The following THAP4 variants were observed in gnomAD, a reference collection of about 807,000 sequenced individuals.
THAP4 encodes the protein THAP domain containing 4.
Under a neutral mutation model 48.1 loss-of-function variants are expected in THAP4, and 18 were observed. That is an observed-to-expected ratio of 0.37 (90% confidence interval 0.26 to 0.56). THAP4 has a LOEUF of 0.56. Among genes scored for constraint, THAP4 ranks in the 20% least tolerant of loss-of-function variants. The probability of loss-of-function intolerance (pLI) is 0.78; values close to 1 mark genes in which losing one functional copy is unlikely to be tolerated. For missense variants in THAP4, 656 were observed against 774.9 expected (o/e 0.85, Z 1.82); for synonymous variants, 345 against 324.9 (o/e 1.06, Z -0.66).
intron 5 of THAP4, among the ~76,000 whole-genome samples, chr2:241,598,869 C>G (rs1274828056): frequency 1.3e-5 from 2 of 151,726 alleles, no homozygotes; most frequent in Admixed American, 1.3e-4. Context: ...ATACTAGAAA[C>G]TGAATCTTCT....
Position 241,601,723 on chromosome 2 carries a change from T to G in THAP4, c.1614+173A>C. The stretch of plus-strand genomic sequence containing the variant: ...ACCAGCCGAGGAGGGGGCAATGAAT[T>G]TAGGGAACATCCACCCTGGATGGTC... On this transcript the variant is annotated intron_variant, in intron 5 of 5. Coordinates refer to ENST00000407315, the MANE Select transcript of THAP4 (RefSeq NM_015963.6). The surrounding 1 kb of genome is among the most constrained non-coding windows in gnomAD (Gnocchi z 4.0). 1 of 1,276,052 alleles carries G rather than the reference T, an allele frequency of 7.8e-7. No homozygotes were observed. Among genetic ancestry groups the G allele is most frequent in the South Asian group, 1.5e-5 (1 of 68,448 alleles). 79.0% of individuals were successfully genotyped at this position (1,276,052 alleles called of 1,614,324 possible). A position where few individuals can be genotyped will look rare whatever the true frequency, so the allele number is the denominator to read the frequency against.
In THAP4 at chr2:241,625,634, A is replaced by G. The variant is rs554132408; in HGVS notation, c.1240+7283T>C. ...AACACAGTGAAATCCCGTCTCTACT[A>G]AAAAATACAAAAAATTAGCCGGGCG... is the stretch of plus-strand genomic sequence containing the variant. On this transcript the variant is annotated intron_variant, in intron 2 of 5. Coordinates refer to ENST00000407315, the MANE Select transcript of THAP4 (RefSeq NM_015963.6). Among the ~76,000 whole-genome samples, 14 of 151,342 alleles carry G rather than the reference A, an allele frequency of 9.3e-5. No individual in the cohort carries two copies. In the South Asian group the frequency reaches 2.5e-3, roughly 27 times the overall value.
At chr2:241,615,140 A>C (rs1241578397) in intron 2 of THAP4, among the ~76,000 whole-genome samples, 1 of 152,188 alleles carries the variant, frequency 6.6e-6, no homozygotes, top group African/African-American at 2.4e-5. Flanking sequence ...GATTCCAATT[A>C]GATGAAATTC....
chr2:241,603,965 A>G (rs1272322441), intron 3 of THAP4, among the ~76,000 whole-genome samples: 1 of 151,836 alleles, frequency 6.6e-6, no homozygotes, highest in Non-Finnish European at 1.5e-5. Flanking sequence ...AGGGCTGGGC[A>G]ACACAGACCC....
intron 2 of THAP4, among the ~76,000 whole-genome samples, chr2:241,631,796 T>A (rs770756508): frequency 6.6e-6 from 1 of 152,182 alleles, no homozygotes; most frequent in African/African-American, 2.4e-5. Flanking sequence ...CAACAAGGAA[T>A]AGAACTTGGG....
intron 5 of THAP4, among the ~76,000 whole-genome samples, chr2:241,598,342 A>G (rs143825885): frequency 1.3e-5 from 2 of 152,360 alleles, no homozygotes; most frequent in Admixed American, 1.3e-4. Context: ...GCTCCCAGCT[A>G]GCCTGTGAAT....
intron 5 of THAP4, among the ~76,000 whole-genome samples, chr2:241,595,731 C>T (rs1172205128): frequency 1.3e-5 from 2 of 152,138 alleles, no homozygotes; most frequent in South Asian, 2.1e-4. Flanking sequence ...AGCAGTCACT[C>T]CCCAGCTTCC....
chr2:241,606,559 C>T, intron 2 of THAP4, 86 bp from the exon 3 acceptor site: 23 of 1,313,386 alleles, frequency 1.8e-5, no homozygotes, highest in Non-Finnish European at 1.9e-5. Context: ...TCCATATCGA[C>T]GCTTGCTTCT....
intron 2 of THAP4, among the ~76,000 whole-genome samples, chr2:241,617,015 G>C (rs1300175550): frequency 6.6e-6 from 1 of 152,190 alleles, no homozygotes; most frequent in African/African-American, 2.4e-5. Context: ...CAGCAGCCTA[G>C]CCACTGTCCC....
At chr2:241,630,613 C>G (rs1314270739) in intron 2 of THAP4, among the ~76,000 whole-genome samples, 1 of 152,096 alleles carries the variant, frequency 6.6e-6, no homozygotes, top group Non-Finnish European at 1.5e-5. Flanking sequence ...ACCACTGTCT[C>G]TACTAAAAAT....
chr2:241,590,720 T>C (rs75053910), intron 5 of THAP4, among the ~76,000 whole-genome samples: 758 of 16,238 alleles, frequency 0.047, no homozygotes, highest in East Asian at 0.13. Flanking sequence ...CAGAACTGCT[T>C]GGCTGATGAT....
chr2:241,603,415 A>G lies in THAP4; in HGVS notation c.1401-336T>C, dbSNP rs2067143046. On this transcript the variant is annotated intron_variant, in intron 3 of 5. Transcript: ENST00000407315. Reference sequence around the variant, plus strand: ...ACCCGCACACCTGCCCGCCCCCTCCAGCGCCTTGCTCATTTTGGCTGTGTC... The same window carrying G: ...ACCCGCACACCTGCCCGCCCCCTCCGGCGCCTTGCTCATTTTGGCTGTGTC... Among the ~76,000 whole-genome samples the G allele has an allele frequency of 2.5e-5, 3 of 121,208 alleles. No individual in the cohort carries two copies. The Admixed American group carries it at 2.7e-4, about 11-fold the overall frequency. 79.5% of individuals were successfully genotyped at this position (121,208 alleles called of 152,430 possible).
intron 5 of THAP4, among the ~76,000 whole-genome samples, chr2:241,595,294 C>T (rs62193000): frequency 0.15 from 22,830 of 152,076 alleles, 1,877 homozygotes; most frequent in Middle Eastern, 0.27. Context: ...GGATTACAGG[C>T]GTGAGCCACC....
At chr2:241,594,289 T>C (rs561036780) in intron 5 of THAP4, among the ~76,000 whole-genome samples, 34 of 152,112 alleles carry the variant, frequency 2.2e-4, no homozygotes, top group African/African-American at 8.0e-4. Flanking sequence ...TTTTGGGGTA[T>C]AAAAAATGTT....
At chr2:241,624,059 A>T (rs182888582) in intron 2 of THAP4, among the ~76,000 whole-genome samples, 14 of 152,328 alleles carry the variant, frequency 9.2e-5, no homozygotes, top group African/African-American at 3.4e-4. Context: ...GGTTACTCAC[A>T]GCCTCTGCCC....
Position 241,621,895 on chromosome 2 carries a change from G to A in THAP4, c.1240+11022C>T, listed in dbSNP as rs147194133. 1.1e-3 allele frequency among the ~76,000 whole-genome samples: 172 copies of A among 151,798 alleles called. 1 individual carries two copies. Among genetic ancestry groups the A allele is most frequent in the African/African-American group, 3.7e-3 (155 of 41,402 alleles). On this transcript the variant is annotated intron_variant, in intron 2 of 5. Coordinates refer to ENST00000407315, the MANE Select transcript of THAP4 (RefSeq NM_015963.6). ...AGGAAAAAAAATCCTTACATGTAGA[G>A]CAGAAAGAATAAGAATTACAGCAGA...
chr2:241,608,640 C>T (rs949596656), intron 2 of THAP4, among the ~76,000 whole-genome samples: 7 of 152,252 alleles, frequency 4.6e-5, no homozygotes, highest in Non-Finnish European at 7.3e-5. Flanking sequence ...TTTCATCATT[C>T]AACGTGCTGG....
intron 5 of THAP4, among the ~76,000 whole-genome samples, chr2:241,597,658 C>T (rs561719744): frequency 3.0e-4 from 46 of 152,350 alleles, no homozygotes; most frequent in African/African-American, 1.0e-3. Flanking sequence ...CTTCTTGCCT[C>T]CTGCTCTCCT....
intron 2 of THAP4, among the ~76,000 whole-genome samples, chr2:241,619,346 T>C (rs1025025829): frequency 6.6e-6 from 1 of 152,248 alleles, no homozygotes; most frequent in Non-Finnish European, 1.5e-5. Context: ...CAAGCAGCAC[T>C]TACTGATGGG....
Sources: allele counts gnomAD v4.1 joint callset (sites outside exome capture counted in the v4.1 genomes callset), GRCh38; gene constraint gnomAD v4.1.1; non-coding constraint Gnocchi (gnomAD v3.1); transcripts MANE v1.5; gene names NCBI Gene and HGNC (gene_info 2026-07-23, HGNC 2026-07-21).